The following CCNY variants were observed in gnomAD, a reference collection of about 807,000 sequenced individuals.
The protein encoded by CCNY is cyclin-Y.
Under a neutral mutation model 42.8 loss-of-function variants are expected in CCNY, and 19 were observed. The observed-to-expected ratio is 0.44, with a 90% confidence interval of 0.31 to 0.65. The LOEUF (loss-of-function observed/expected upper bound fraction) is 0.65, where lower values mean the gene tolerates loss of function less well. CCNY is among the 30% of genes least tolerant of loss of function. The probability of loss-of-function intolerance (pLI) is 0.07; values close to 1 mark genes in which losing one functional copy is unlikely to be tolerated. For missense variants in CCNY, 370 were observed against 437.3 expected (o/e 0.85, Z 1.37); for synonymous variants, 165 against 162.7 (o/e 1.01, Z -0.11).
intron 8 of CCNY, among the ~76,000 whole-genome samples, chr10:35,557,954 A>G (rs1841392684): frequency 6.6e-6 from 1 of 152,138 alleles, no homozygotes; most frequent in Admixed American, 6.5e-5. Context: ...TTCAGAGCGC[A>G]TGTTCAGATG....
chr10:35,293,861 G>T (rs749568968), intron 3 of CCNY, among the ~76,000 whole-genome samples: 1 of 149,904 alleles, frequency 6.7e-6, no homozygotes, highest in Non-Finnish European at 1.5e-5. Flanking sequence ...CATGATCTCA[G>T]CTCACTGCAA....
In CCNY at chr10:35,570,575, T is replaced by C. The variant is rs1273336154; in HGVS notation, c.*1405T>C. On this transcript the variant is annotated 3_prime_UTR_variant, in exon 10 of 10. Coordinates refer to ENST00000374704, the MANE Select transcript of CCNY (RefSeq NM_145012.6). ...TCACTTGCATATGTAATGCTTTGGG[T>C]TTTTGCATATTTTCTTAGGTCACAG... The C allele has an allele frequency of 6.6e-5, 10 of 152,274 alleles. No individual in the cohort carries two copies. Among genetic ancestry groups the C allele is most frequent in the Admixed American group, 6.5e-4 (10 of 15,276 alleles). The allele number at this position is 152,274 out of a possible 1,614,324, so 9.4% of individuals were successfully genotyped here.
chr10:35,437,348 C>T (rs531289515), intron 1 of CCNY, among the ~76,000 whole-genome samples: 2 of 152,242 alleles, frequency 1.3e-5, no homozygotes, highest in South Asian at 2.1e-4. Flanking sequence ...TTAGGATCAA[C>T]ATTCATAGAA....
intron 1 of CCNY, among the ~76,000 whole-genome samples, chr10:35,424,134 G>A (rs1838216471): frequency 6.6e-6 from 1 of 152,240 alleles, no homozygotes; most frequent in Admixed American, 6.5e-5. Context: ...CATAGCTCCT[G>A]CAGAGTAGTT....
At chr10:35,360,545 G>T (rs1836661813) in intron 1 of CCNY, among the ~76,000 whole-genome samples, 1 of 151,972 alleles carries the variant, frequency 6.6e-6, no homozygotes, top group Non-Finnish European at 1.5e-5. Context: ...GCCTCCCAAA[G>T]TGCTGGGATT....
At chr10:35,251,781 G>C (rs1364841609) in intron 3 of CCNY, among the ~76,000 whole-genome samples, 2 of 151,876 alleles carry the variant, frequency 1.3e-5, no homozygotes, top group African/African-American at 2.4e-5. Flanking sequence ...TAGAGATGGA[G>C]TTTCATTATG....
chr10:35,251,867 G>A (rs1210845498), intron 3 of CCNY, among the ~76,000 whole-genome samples: 2 of 152,122 alleles, frequency 1.3e-5, no homozygotes, highest in African/African-American at 4.8e-5. Context: ...AGGATTGCAG[G>A]CATCAGCCAC....
intron 3 of CCNY, among the ~76,000 whole-genome samples, chr10:35,254,690 T>C (rs963125303): frequency 3.3e-5 from 5 of 151,786 alleles, no homozygotes; most frequent in Admixed American, 2.6e-4. Context: ...TAGCCAGACA[T>C]GGTGGACTGA....
intron 1 of CCNY, among the ~76,000 whole-genome samples, chr10:35,471,670 C>T (rs1200503714): frequency 1.3e-5 from 2 of 152,150 alleles, no homozygotes; most frequent in African/African-American, 2.4e-5. Flanking sequence ...GCAGTGTGAC[C>T]GAACACTCAG....
chr10:35,353,384 A>T (rs536669599), intron 1 of CCNY, among the ~76,000 whole-genome samples: 1 of 152,338 alleles, frequency 6.6e-6, no homozygotes, highest in South Asian at 2.1e-4. Context: ...ATATTTTTAT[A>T]TACTCTAGAT....
At chr10:35,286,846 G>C (rs1835360816) in intron 3 of CCNY, among the ~76,000 whole-genome samples, 1 of 151,254 alleles carries the variant, frequency 6.6e-6, no homozygotes, top group African/African-American at 2.4e-5. Context: ...TTTCAGTAGA[G>C]ACAGGGTTTT....
chr10:35,351,492 C>T (rs1219127817), intron 1 of CCNY, among the ~76,000 whole-genome samples: 1 of 152,164 alleles, frequency 6.6e-6, no homozygotes, highest in Non-Finnish European at 1.5e-5. Context: ...TCCAGCCTAA[C>T]CCAAGTTAAA....
At position 35,516,661 on chromosome 10, in the gene CCNY, C is replaced by CTTCCTTTTTTTTTTTT. The variant is rs1166900318; in HGVS notation, c.365+40_365+41insCCTTTTTTTTTTTTTT. ...ATTTATTTCCTTCCTTCCTTCCTTC[C>CTTCCTTTTTTTTTTTT]TTTTTTTTTTTTTTTTTTTTTTTTT... On this transcript the variant is annotated intron_variant, in intron 4 of 9. Transcript: ENST00000374704. The CTTCCTTTTTTTTTTTT allele has an allele frequency of 2.7e-5, 9 of 327,618 alleles. No individual in the cohort carries two copies. In the East Asian group the frequency reaches 3.3e-4, roughly 12 times the overall value. 20.3% of individuals were successfully genotyped at this position (327,618 alleles called of 1,614,324 possible). A position where few individuals can be genotyped will look rare whatever the true frequency, so the allele number is the denominator to read the frequency against.
chr10:35,484,203 T>C (rs1002347833), intron 2 of CCNY, among the ~76,000 whole-genome samples: 6 of 152,248 alleles, frequency 3.9e-5, no homozygotes, highest in African/African-American at 1.4e-4. Context: ...GATATTACTT[T>C]AGGATGCTGG....
intron 3 of CCNY, among the ~76,000 whole-genome samples, chr10:35,325,149 A>C (rs1835864750): frequency 6.6e-6 from 1 of 152,164 alleles, no homozygotes; most frequent in Admixed American, 6.6e-5. Flanking sequence ...TTTAAACCTA[A>C]TTATATTGGT....
chr10:35,484,460 G>A (rs1262141824), intron 2 of CCNY, among the ~76,000 whole-genome samples: 1 of 152,120 alleles, frequency 6.6e-6, no homozygotes, highest in African/African-American at 2.4e-5. Flanking sequence ...TTTATGAAAA[G>A]TAAACGTTTC....
intron 1 of CCNY, among the ~76,000 whole-genome samples, chr10:35,434,919 C>T (rs925723038): frequency 6.6e-6 from 1 of 152,190 alleles, no homozygotes; most frequent in Non-Finnish European, 1.5e-5. Context: ...TAATGTATCT[C>T]CTGCTTCTCG....
At chr10:35,464,805 T>C (rs969361813) in intron 1 of CCNY, among the ~76,000 whole-genome samples, 1 of 152,190 alleles carries the variant, frequency 6.6e-6, no homozygotes, top group Non-Finnish European at 1.5e-5. Flanking sequence ...TCCATAAATA[T>C]TTGTTGAGTG....
intron 1 of CCNY, among the ~76,000 whole-genome samples, chr10:35,393,447 A>G (rs1837457541): frequency 6.6e-6 from 1 of 152,004 alleles, no homozygotes. Flanking sequence ...GTACCCCTGC[A>G]TTTCCTTTTT....
Sources: gnomAD v4.1 joint callset for allele counts (sites outside exome capture counted in the v4.1 genomes callset) on GRCh38, gnomAD v4.1.1 for gene constraint, MANE v1.5 for transcripts, NCBI Gene and HGNC (gene_info 2026-07-23, HGNC 2026-07-21) for gene names.